Variants in GNB1 observed in about 807,000 individuals in gnomAD.
GNB1 encodes guanine nucleotide-binding protein G(I)/G(S)/G(T) subunit beta-1.
Under a neutral mutation model 42.9 loss-of-function variants are expected in GNB1, and 2 were observed. That is an observed-to-expected ratio of 0.05 (90% CI 0.02 to 0.15). The LOEUF is 0.15. Ranked by LOEUF, GNB1 falls within the 10% of genes least tolerant of loss-of-function variation. GNB1 has a pLI of 1.00. For synonymous variants in GNB1, 183 were observed against 174.7 expected (o/e 1.05, Z -0.38); for missense variants, 193 against 462.2 (o/e 0.42, Z 5.34).
intron 2 of GNB1, among the ~76,000 whole-genome samples, chr1:1,828,712 A>T (rs1271317310): frequency 6.6e-6 from 1 of 152,192 alleles, no homozygotes; most frequent in African/African-American, 2.4e-5. Flanking sequence ...TTGAGTTTCA[A>T]TTCAGAGACT....
chr1:1,825,333 A>C, intron 3 of GNB1, 64 bp downstream of exon 3: 1 of 1,175,050 alleles, frequency 8.5e-7, no homozygotes, highest in East Asian at 2.3e-5. Context: ...ATTTTTCCTA[A>C]AACAAGTAAC....
chr1:1,804,604 T>G, intron 6 of GNB1, 23 bp from the exon 7 acceptor site: 1 of 1,530,240 alleles, frequency 6.5e-7, no homozygotes. Flanking sequence ...AGACAGATGA[T>G]GCAAACAACT....
chr1:1,811,327 A>T (rs1390414566), intron 5 of GNB1, among the ~76,000 whole-genome samples: 2 of 151,940 alleles, frequency 1.3e-5, no homozygotes, highest in African/African-American at 2.4e-5. Flanking sequence ...AAGTCAAGCG[A>T]TCCACCTGAC....
chr1:1,853,987 T>C (rs1648125683), intron 1 of GNB1, among the ~76,000 whole-genome samples: 1 of 152,172 alleles, frequency 6.6e-6, no homozygotes, highest in African/African-American at 2.4e-5. Flanking sequence ...TATGGCTTCA[T>C]TCACTCACTC....
chr1:1,815,036 C>T lies in GNB1; in HGVS notation c.203+720G>A, dbSNP rs556756296. ...GTGAGGCAGGAGAATGGCGTGAACC[C>T]GGGAGGCGGAGCTTGCAGTGAGCCG... On this transcript the variant is annotated intron_variant, in intron 5 of 11. Coordinates refer to ENST00000378609, the MANE Select transcript of GNB1 (RefSeq NM_002074.5). 8.2e-3 allele frequency among the ~76,000 whole-genome samples: 1,231 copies of T among 150,668 alleles called. 21 individuals carry two copies. Among genetic ancestry groups the T allele is most frequent in the African/African-American group, 0.029 (1,194 of 41,046 alleles).
At chr1:1,814,797 CAAAAAAA>C (rs66588627) in intron 5 of GNB1, among the ~76,000 whole-genome samples, 3 of 77,610 alleles carry the variant, frequency 3.9e-5, no homozygotes, top group African/African-American at 1.1e-4. Context: ...GACCCTGTCT[CAAAAAAA>C]AAAAAAAAAA....
intron 1 of GNB1, among the ~76,000 whole-genome samples, chr1:1,855,430 G>C (rs914555380): frequency 6.6e-6 from 1 of 151,858 alleles, no homozygotes; most frequent in Non-Finnish European, 1.5e-5. Context: ...GGCCGGGCGC[G>C]GTGGCTCACG....
In GNB1 at chr1:1,822,771, G is replaced by T. The variant is rs1161054208; in HGVS notation, c.57+2626C>A. 4.6e-5 allele frequency among the ~76,000 whole-genome samples: 7 copies of T among 152,042 alleles called. No homozygotes were observed. The East Asian group carries it at 1.4e-3, about 29-fold the overall frequency. On this transcript the variant is annotated intron_variant, in intron 3 of 11. Coordinates refer to ENST00000378609, the MANE Select transcript of GNB1 (RefSeq NM_002074.5). ...GAAGGAGGTGCAACAGTTCCTTTTG[G>T]CCTTAATTTTTTAAATTTGGGTGTC...
At chr1:1,807,463 GAAAAAAAAAAAAAAAAA>G (rs533616486) in intron 5 of GNB1, among the ~76,000 whole-genome samples, 2 of 25,580 alleles carry the variant, frequency 7.8e-5, no homozygotes, top group Non-Finnish European at 1.3e-4. Flanking sequence ...GATCCTGACT[GAAAAAAAAAAAAAAAAA>G]AAAAAAAAAA....
intron 5 of GNB1, among the ~76,000 whole-genome samples, chr1:1,809,993 G>A (rs1334023739): frequency 6.6e-6 from 1 of 152,034 alleles, no homozygotes; most frequent in African/African-American, 2.4e-5. Context: ...AGCACTTTGG[G>A]AGGCTGAGAT....
intron 1 of GNB1, among the ~76,000 whole-genome samples, chr1:1,873,048 T>G (rs888253197): frequency 6.6e-6 from 1 of 151,760 alleles, no homozygotes; most frequent in Non-Finnish European, 1.5e-5. Flanking sequence ...AAGCCTGTGC[T>G]AAGCCTTGTT....
chr1:1,875,233 C>G (rs1320906638), intron 1 of GNB1, among the ~76,000 whole-genome samples: 1 of 151,852 alleles, frequency 6.6e-6, no homozygotes, highest in Non-Finnish European at 1.5e-5. Context: ...GCTCTGCCTA[C>G]CAGTCTGGAG....
At chr1:1,844,531 C>G (rs562830764) in intron 1 of GNB1, among the ~76,000 whole-genome samples, 1 of 152,158 alleles carries the variant, frequency 6.6e-6, no homozygotes, top group Admixed American at 6.6e-5. Flanking sequence ...TTTATTTCAG[C>G]ATTTTTCAAA....
intron 1 of GNB1, among the ~76,000 whole-genome samples, chr1:1,860,072 AAAGAAG>A (rs543610054): frequency 6.6e-6 from 1 of 152,196 alleles, no homozygotes; most frequent in African/African-American, 2.4e-5. Flanking sequence ...AAAAGTAAAC[AAAGAAG>A]AAGTAAAAAA....
At chr1:1,800,707 C>T (rs184655790) in intron 7 of GNB1, among the ~76,000 whole-genome samples, 1 of 148,468 alleles carries the variant, frequency 6.7e-6, no homozygotes, top group Non-Finnish European at 1.5e-5. Context: ...AAAATCACAC[C>T]GAGGCACCTA....
chr1:1,888,845 G>A (rs574588079), intron 1 of GNB1, among the ~76,000 whole-genome samples: 3 of 152,046 alleles, frequency 2.0e-5, no homozygotes, highest in South Asian at 4.1e-4. Flanking sequence ...ATCTCAAAAA[G>A]TAAAGAAAGT....
At chr1:1,872,095 G>A (rs1024531775) in intron 1 of GNB1, among the ~76,000 whole-genome samples, 14 of 150,876 alleles carry the variant, frequency 9.3e-5, no homozygotes, top group African/African-American at 3.2e-4. Flanking sequence ...TCCAACTCCT[G>A]GGCTGAAGCG....
At chr1:1,832,450 TG>T (rs1240135640) in intron 2 of GNB1, among the ~76,000 whole-genome samples, 1 of 152,220 alleles carries the variant, frequency 6.6e-6, no homozygotes, top group Admixed American at 6.5e-5. Flanking sequence ...TATCTGCCAT[TG>T]GCTTTTATTC....
chr1:1,871,414 C>G (rs531578745), intron 1 of GNB1, among the ~76,000 whole-genome samples: 2 of 152,000 alleles, frequency 1.3e-5, no homozygotes, highest in African/African-American at 4.8e-5. Flanking sequence ...GAGCCCAGAT[C>G]GCGCTACTGC....
Sources: allele counts gnomAD v4.1 joint callset (sites outside exome capture counted in the v4.1 genomes callset), GRCh38; gene constraint gnomAD v4.1.1; transcripts MANE v1.5; gene names NCBI Gene and HGNC (gene_info 2026-07-23, HGNC 2026-07-21).